The following DESI2 variants were observed in gnomAD, a reference collection of about 807,000 sequenced individuals.
DESI2 encodes the protein desumoylating isopeptidase 2.
DESI2 carries 10 observed loss-of-function variants against 24.1 expected under a neutral mutation model. The observed-to-expected ratio is 0.41, with a 90% CI of 0.26 to 0.70. DESI2 has a LOEUF of 0.70. Ranked by LOEUF, DESI2 falls within the 30% of genes least tolerant of loss-of-function variation. The probability of loss-of-function intolerance (pLI) is 0.29; values close to 1 mark genes in which losing one functional copy is unlikely to be tolerated. For synonymous variants in DESI2, 71 were observed against 87.7 expected, an observed-to-expected ratio of 0.81 and a Z score of 1.06; for missense variants, 122 against 234.9, an observed-to-expected ratio of 0.52 and a Z score of 3.14.
Position 244,705,896 on chromosome 1 carries a change from TCC to T in DESI2, c.*111_*112del. 11 of 762,636 alleles carry T rather than the reference TCC, an allele frequency of 1.4e-5. No homozygotes were observed. The South Asian group carries it at 1.9e-4, about 13-fold the overall frequency. 47.2% of individuals were successfully genotyped at this position (762,636 alleles called of 1,614,324 possible). A position where few individuals can be genotyped will look rare whatever the true frequency, so the allele number is the denominator to read the frequency against. On this transcript the variant is annotated 3_prime_UTR_variant, in exon 5 of 5. Coordinates refer to ENST00000302550, the MANE Select transcript of DESI2 (RefSeq NM_016076.5). The stretch of plus-strand genomic sequence containing the variant: ...GATATTTTGTATGCAAAGATGGCTC[TCC>T]CCCAAATCCCAGTTTTTCAGCTCAG...
At chr1:244,699,578 CAAAAAAAAAAAAAAAAAAAA>C (rs559295405) in intron 4 of DESI2, among the ~76,000 whole-genome samples, 912 of 66,246 alleles carry the variant, frequency 0.014, 28 homozygotes, top group African/African-American at 0.044. Flanking sequence ...GAGACTGTCT[CAAAAAAAAAAAAAAAAAAAA>C]AAAAAAAAAA....
At chr1:244,688,838 C>T (rs1300711017) in intron 2 of DESI2, among the ~76,000 whole-genome samples, 1 of 152,160 alleles carries the variant, frequency 6.6e-6, no homozygotes, top group Non-Finnish European at 1.5e-5. Context: ...AACCATGAAA[C>T]TCACTGTTAC....
intron 1 of DESI2, among the ~76,000 whole-genome samples, chr1:244,665,166 A>G (rs1675999490): frequency 6.8e-6 from 1 of 147,014 alleles, no homozygotes; most frequent in Non-Finnish European, 1.5e-5. Context: ...TTAATACCTG[A>G]TTTTTTTTTT....
intron 1 of DESI2, among the ~76,000 whole-genome samples, chr1:244,682,554 T>G (rs1452017835): frequency 6.6e-6 from 1 of 152,208 alleles, no homozygotes; most frequent in Non-Finnish European, 1.5e-5. Context: ...AATTTTCTGG[T>G]TTTTTCTTCT....
intron 4 of DESI2, among the ~76,000 whole-genome samples, chr1:244,700,640 A>C (rs947459243): frequency 3.3e-5 from 5 of 152,180 alleles, no homozygotes; most frequent in African/African-American, 7.2e-5. Context: ...AGTAGATGAA[A>C]CTAGGACTTT....
chr1:244,678,791 A>G (rs1676501271), intron 1 of DESI2, among the ~76,000 whole-genome samples: 1 of 152,242 alleles, frequency 6.6e-6, no homozygotes. Context: ...CAAGAAGAGA[A>G]TAGCCCACTT....
chr1:244,708,311 T>G lies in DESI2; in HGVS notation c.*2522T>G, dbSNP rs554981266. The G allele has an allele frequency of 8.6e-5, 13 of 150,752 alleles. No homozygotes were observed. The highest frequency in any genetic ancestry group is 2.0e-4 in the African/African-American group (8 of 40,100). The allele number at this position is 150,752 out of a possible 1,614,324, so 9.3% of individuals were successfully genotyped here. On this transcript the variant is annotated 3_prime_UTR_variant, in exon 5 of 5. Transcript: ENST00000302550. ...CTGTTTGCTTTAAATACCCTTGGGG[T>G]TTTTTTTTAAACCCTTACAAGGGGA...
chr1:244,659,523 C>A (rs571789338), intron 1 of DESI2, among the ~76,000 whole-genome samples: 2 of 152,314 alleles, frequency 1.3e-5, no homozygotes, highest in Admixed American at 1.3e-4. Flanking sequence ...GATCCTCTCT[C>A]AGTTGCTTCA....
At position 244,653,363 on chromosome 1, in the gene DESI2, C is replaced by T; in HGVS notation, c.42+8C>T. ...CTCAACGTGTACGACATGGTGAGTG[C>T]GGCCCCTGGCGGCCCCGAGCCCTGG... On this transcript the variant is annotated splice_region_variant and intron_variant, in intron 1 of 4. Transcript: ENST00000302550. 3 of 1,542,626 alleles carry T rather than the reference C, an allele frequency of 1.9e-6. No homozygotes were observed. Among genetic ancestry groups the T allele is most frequent in the Non-Finnish European group, 2.6e-6 (3 of 1,151,704 alleles).
intron 1 of DESI2, among the ~76,000 whole-genome samples, chr1:244,669,176 T>C (rs911342548): frequency 1.3e-5 from 2 of 151,888 alleles, no homozygotes; most frequent in Middle Eastern, 3.2e-3. Flanking sequence ...TTTAATTTTT[T>C]TGTAGAGATA....
chr1:244,660,988 G>A (rs768936500), intron 1 of DESI2, among the ~76,000 whole-genome samples: 3 of 151,880 alleles, frequency 2.0e-5, no homozygotes, highest in Non-Finnish European at 2.9e-5. Flanking sequence ...TGTAAGGCTC[G>A]CTGAAAAAAA....
intron 1 of DESI2, among the ~76,000 whole-genome samples, chr1:244,684,862 GCC>G (rs1676759692): frequency 6.6e-6 from 1 of 152,116 alleles, no homozygotes; most frequent in South Asian, 2.1e-4. Context: ...AACTTTTGCT[GCC>G]CAAACTCTGG....
chr1:244,663,634 T>G (rs1380346148), intron 1 of DESI2, among the ~76,000 whole-genome samples: 1 of 152,152 alleles, frequency 6.6e-6, no homozygotes, highest in Non-Finnish European at 1.5e-5. Context: ...GGGAAAAGAT[T>G]TATGTCTGAA....
chr1:244,676,207 G>T (rs1205729506), intron 1 of DESI2, among the ~76,000 whole-genome samples: 1 of 151,914 alleles, frequency 6.6e-6, no homozygotes, highest in Non-Finnish European at 1.5e-5. Flanking sequence ...CTCCCGAGCA[G>T]CTGAAACTAC....
chr1:244,671,181 G>C (rs949931736), intron 1 of DESI2, among the ~76,000 whole-genome samples: 3 of 152,196 alleles, frequency 2.0e-5, no homozygotes, highest in Non-Finnish European at 2.9e-5. Flanking sequence ...ATGTTAGGAA[G>C]GGTTTGAGAA....
chr1:244,708,510 G>A lies in DESI2; in HGVS notation c.*2721G>A, dbSNP rs1355753156. 1 of 152,550 alleles carries A rather than the reference G, an allele frequency of 6.6e-6. No homozygotes were observed. Among genetic ancestry groups the A allele is most frequent in the African/African-American group, 2.4e-5 (1 of 41,424 alleles). The allele number at this position is 152,550 out of a possible 1,614,324, so 9.4% of individuals were successfully genotyped here. ...AGGGAATTCTGGTTTTAGTCCATTG[G>A]TAGCATTGTGTGTATGAGGAGATTC... On this transcript the variant is annotated 3_prime_UTR_variant, in exon 5 of 5. Transcript: ENST00000302550.
intron 1 of DESI2, among the ~76,000 whole-genome samples, chr1:244,671,250 AG>A (rs1023835507): frequency 6.6e-6 from 1 of 152,208 alleles, no homozygotes; most frequent in Non-Finnish European, 1.5e-5. Context: ...GTAATCTCCG[AG>A]GGATGATCTA....
At chr1:244,666,136 C>T (rs902080061) in intron 1 of DESI2, among the ~76,000 whole-genome samples, 1 of 152,050 alleles carries the variant, frequency 6.6e-6, no homozygotes, top group Non-Finnish European at 1.5e-5. Flanking sequence ...ACTTTCTCCC[C>T]ATTCCCTACT....
chr1:244,680,832 A>G (rs1271977522), intron 1 of DESI2, among the ~76,000 whole-genome samples: 1 of 152,050 alleles, frequency 6.6e-6, no homozygotes, highest in Non-Finnish European at 1.5e-5. Flanking sequence ...TTTATCATCC[A>G]TGATCTTTGC....
Sources: allele counts gnomAD v4.1 joint callset (sites outside exome capture counted in the v4.1 genomes callset), GRCh38; gene constraint gnomAD v4.1.1; transcripts MANE v1.5; gene names NCBI Gene and HGNC (gene_info 2026-07-23, HGNC 2026-07-21).